Variants in PATE3 observed in about 807,000 individuals in gnomAD.
PATE3 encodes prostate and testis expressed protein 3.
In PATE3, 7 loss-of-function variants were observed where a neutral mutation model predicts 7.4. The ratio of observed to expected loss-of-function variants is 0.95; its 90% CI spans 0.54 to 1.78. The LOEUF is 1.78. Among genes scored for constraint, PATE3 ranks in the 40% most tolerant of loss-of-function variants. The pLI is 0.00. For synonymous variants in PATE3, 38 were observed against 40.2 expected (o/e 0.94, Z 0.21); for missense variants, 117 against 122.5 (o/e 0.96, Z 0.21).
At chr11:125,789,572 A>C (rs1463363118) in intron 2 of PATE3, 64 bp downstream of exon 2, 1 of 1,500,076 alleles carries the variant, frequency 6.7e-7, no homozygotes, top group African/African-American at 1.4e-5. Flanking sequence ...GTGCTTCAGC[A>C]ATTTCACATC....
In PATE3 at chr11:125,791,472, C is replaced by T. The variant is rs756793564; in HGVS notation, c.*870C>T. On this transcript the variant is annotated 3_prime_UTR_variant, in exon 3 of 3. Coordinates refer to ENST00000445202, the MANE Select transcript of PATE3 (RefSeq NM_001129883.4). ...TGGGCTGCCTTTCAGGATCCGTCAT[C>T]AAAGGGAGTCAAACATAGTCAAGAT... The T allele has an allele frequency of 3.9e-5, 6 of 152,198 alleles. No individual in the cohort carries two copies. Among genetic ancestry groups the T allele is most frequent in the Non-Finnish European group, 8.8e-5 (6 of 68,076 alleles). The allele number at this position is 152,198 out of a possible 1,614,324, so 9.4% of individuals were successfully genotyped here.
intron 1 of PATE3, 76 bp downstream of exon 1, chr11:125,788,276 C>A: frequency 7.2e-7 from 1 of 1,385,494 alleles, no homozygotes; most frequent in Non-Finnish European, 1.0e-6. Flanking sequence ...GTGTAGCATG[C>A]ATCCATGCAG....
chr11:125,788,308 A>T (rs1943581448), intron 1 of PATE3, 108 bp downstream of exon 1: 1 of 1,037,500 alleles, frequency 9.6e-7, no homozygotes, highest in African/African-American at 1.6e-5. Context: ...GGCCACTTTT[A>T]TGAGCCAGGG....
chr11:125,790,834 G>A lies in PATE3; in HGVS notation c.*232G>A. On this transcript the variant is annotated 3_prime_UTR_variant, in exon 3 of 3. Coordinates refer to ENST00000445202, the MANE Select transcript of PATE3 (RefSeq NM_001129883.4). ...GATTTCTTCTATTATTGGGATTATT[G>A]GCATGGCCATATTCCAAGAAACCTG... 1 of 392,568 alleles carries A rather than the reference G, an allele frequency of 2.5e-6. No individual in the cohort carries two copies. The highest frequency in any genetic ancestry group is 4.5e-6 in the Non-Finnish European group (1 of 222,550). The allele number at this position is 392,568 out of a possible 1,614,324, so 24.3% of individuals were successfully genotyped here.
At chr11:125,789,189 T>C (rs1470673396) in intron 1 of PATE3, among the ~76,000 whole-genome samples, 197 bp from the exon 2 acceptor site, 1 of 152,116 alleles carries the variant, frequency 6.6e-6, no homozygotes, top group Non-Finnish European at 1.5e-5. Context: ...AATCCTTTGG[T>C]GACATTTTCT....
At chr11:125,788,792 G>C (rs1025341712) in intron 1 of PATE3, among the ~76,000 whole-genome samples, 1 of 152,152 alleles carries the variant, frequency 6.6e-6, no homozygotes, top group Non-Finnish European at 1.5e-5. Context: ...GATGCAACTT[G>C]AGAGAACATG....
chr11:125,790,103 G>T (rs1943596504), intron 2 of PATE3, among the ~76,000 whole-genome samples: 1 of 152,178 alleles, frequency 6.6e-6, no homozygotes, highest in Admixed American at 6.5e-5. Flanking sequence ...ATGTCATGGA[G>T]GTAGAGACTA....
rs1283441270 is a variant in PATE3 at position 125,791,323 on chromosome 11, C to G, written c.*721C>G. Reference sequence around the variant, plus strand: ...TTTCCCCCTTTGCCATTCACCTTTACTATCACCTCCCACCTCCATTATCAC... The same window carrying G: ...TTTCCCCCTTTGCCATTCACCTTTAGTATCACCTCCCACCTCCATTATCAC... On this transcript the variant is annotated 3_prime_UTR_variant, in exon 3 of 3. Coordinates refer to ENST00000445202, the MANE Select transcript of PATE3 (RefSeq NM_001129883.4). 1 of 152,196 alleles carries G rather than the reference C, an allele frequency of 6.6e-6. No homozygotes were observed. Among genetic ancestry groups the G allele is most frequent in the Non-Finnish European group, 1.5e-5 (1 of 68,074 alleles). 9.4% of individuals were successfully genotyped at this position (152,196 alleles called of 1,614,324 possible).
intron 2 of PATE3, 100 bp downstream of exon 2, chr11:125,789,608 C>T: frequency 2.2e-6 from 3 of 1,356,766 alleles, no homozygotes; most frequent in Non-Finnish European, 3.0e-6. Flanking sequence ...ATGCAGAATG[C>T]CCCTGAGCAC....
chr11:125,790,551 G>A lies in PATE3; in HGVS notation c.246G>A (p.Arg82=). Residue 82 remains arginine, a synonymous_variant, in exon 3 of 3, where the codon CGG becomes CGA. Coordinates refer to ENST00000445202, the MANE Select transcript of PATE3 (RefSeq NM_001129883.4). ...CRDMTFDLRN[R]TYVHTCCNYN... ...ACATGACATTTGATCTCAGGAATCGGACTTATGTTCATACATGCTGCAACT... is the reference window on the plus strand; with the variant it reads ...ACATGACATTTGATCTCAGGAATCGAACTTATGTTCATACATGCTGCAACT... 6.4e-7 allele frequency: 1 copy of A among 1,551,284 alleles called. No individual in the cohort carries two copies. The highest frequency in any genetic ancestry group is 1.7e-4 in the Middle Eastern group (1 of 5,990).
chr11:125,788,266 G>T, intron 1 of PATE3, 66 bp downstream of exon 1: 1 of 1,432,450 alleles, frequency 7.0e-7, no homozygotes, highest in Non-Finnish European at 9.6e-7. Flanking sequence ...GAAACTACAT[G>T]TGTAGCATGC....
In PATE3 at chr11:125,788,245, G is replaced by A. The variant is rs981771076; in HGVS notation, c.49+45G>A. ...GGTATACTTGAGAGACAGGATCTAG[G>A]GAGCTCCAGGGAAACTACATGTGTA... On this transcript the variant is annotated intron_variant, in intron 1 of 2. Coordinates refer to ENST00000445202, the MANE Select transcript of PATE3 (RefSeq NM_001129883.4). The A allele has an allele frequency of 6.6e-6, 10 of 1,509,578 alleles. No homozygotes were observed. In the African/African-American group the frequency reaches 1.3e-4, roughly 19 times the overall value. The allele number at this position is 1,509,578 out of a possible 1,614,324, so 93.5% of individuals were successfully genotyped here.
chr11:125,790,442 C>A, intron 2 of PATE3, 36 bp from the exon 3 acceptor site: 1 of 1,537,110 alleles, frequency 6.5e-7, no homozygotes, highest in South Asian at 1.2e-5. Context: ...GAGCTTAAAT[C>A]AAATGCTTAT....
At chr11:125,789,531 GTGT>G (rs1328531116) in intron 2 of PATE3, 23 bp downstream of exon 2, 2 of 1,539,824 alleles carry the variant, frequency 1.3e-6, no homozygotes, top group Non-Finnish European at 1.8e-6. Flanking sequence ...GTCAGGGAAG[GTGT>G]TGTAAGATTC....
intron 2 of PATE3, 94 bp downstream of exon 2, chr11:125,789,602 A>G: frequency 2.8e-6 from 4 of 1,407,872 alleles, no homozygotes; most frequent in Non-Finnish European, 3.8e-6. Flanking sequence ...GAACCAATGC[A>G]GAATGCCCCT....
Position 125,790,595 on chromosome 11 carries a change from A to G in PATE3, c.290A>G (p.Lys97Arg). The G allele has an allele frequency of 6.4e-7, 1 of 1,551,276 alleles. No individual in the cohort carries two copies. The highest frequency in any genetic ancestry group is 8.7e-7 in the Non-Finnish European group (1 of 1,146,770). The change falls in exon 3 of 3, where the codon AAA becomes AGA. Residue 97 changes from lysine (K) to arginine (R), a missense_variant. Physicochemically the swap from Lys to Arg is conservative, Grantham distance 26. Transcript: ENST00000445202. The stretch of plus-strand genomic sequence containing the variant: ...TGCAACTACAATTACTGTAACTTTA[A>G]ACTCTAAGATATTTGCCCTCCTGAG... ...TCCNYNYCNF[K>R]L is the part of the protein sequence containing the mutation.
In PATE3 at chr11:125,790,815, T is replaced by C; in HGVS notation, c.*213T>C. The C allele has an allele frequency of 2.2e-6, 1 of 449,102 alleles. No homozygotes were observed. The highest frequency in any genetic ancestry group is 3.9e-6 in the Non-Finnish European group (1 of 257,780). The allele number at this position is 449,102 out of a possible 1,614,324, so 27.8% of individuals were successfully genotyped here. A position where few individuals can be genotyped will look rare whatever the true frequency, so the allele number is the denominator to read the frequency against. ...ATAGTGGTTCTGAACAATGGATTTC[T>C]TCTATTATTGGGATTATTGGCATGG... is the stretch of plus-strand genomic sequence containing the variant. On this transcript the variant is annotated 3_prime_UTR_variant, in exon 3 of 3. Transcript: ENST00000445202.
chr11:125,790,342 TTAGGGAGTA>T (rs1943599295), intron 2 of PATE3, 127 bp from the exon 3 acceptor site: 2 of 833,058 alleles, frequency 2.4e-6, no homozygotes, highest in African/African-American at 3.5e-5. Flanking sequence ...CTGGGTGCTT[TTAGGGAGTA>T]TAAGCTGGGA....
At position 125,789,505 on chromosome 11, in the gene PATE3, C is replaced by A; in HGVS notation, c.169C>A (p.Gln57Lys). The change falls in exon 2 of 3, where the codon CAG (glutamine) becomes AAG (lysine). Residue 57 changes from glutamine to lysine, a missense_variant. By Grantham distance (53) the Gln-to-Lys change is moderately conservative (BLOSUM62 1). Coordinates refer to ENST00000445202, the MANE Select transcript of PATE3 (RefSeq NM_001129883.4). The stretch of plus-strand genomic sequence containing the variant: ...GGCATGCATGCTCTTAAGGATTTAC[C>A]AGCGTAAGTTAGAGGGTCAGGGAAG... ...GEACMLLRIY[Q>K]RNTLQISYMV... The A allele has an allele frequency of 6.4e-7, 1 of 1,550,702 alleles. No homozygotes were observed. Among genetic ancestry groups the A allele is most frequent in the South Asian group, 1.2e-5 (1 of 84,010 alleles).
Sources: allele counts gnomAD v4.1 joint callset (sites outside exome capture counted in the v4.1 genomes callset), GRCh38; gene constraint gnomAD v4.1.1; transcripts MANE v1.5; gene names NCBI Gene and HGNC (gene_info 2026-07-23, HGNC 2026-07-21).